Variants in CSMD3 observed in about 807,000 individuals in gnomAD.
CSMD3 encodes CUB and sushi domain-containing protein 3.
In CSMD3, 177 loss-of-function variants were observed where a neutral mutation model predicts 435.2. That is an observed-to-expected ratio of 0.41 (90% CI 0.36 to 0.46). CSMD3 has a LOEUF of 0.46. Among genes scored for constraint, CSMD3 ranks in the 20% least tolerant of loss-of-function variants. The pLI is 0.34. For synonymous variants in CSMD3, 1,656 were observed against 1,520.5 expected, an observed-to-expected ratio of 1.09 and a Z score of -2.07; for missense variants, 4,265 against 4,504.6, an observed-to-expected ratio of 0.95 and a Z score of 1.52.
chr8:112,748,458 C>T (rs1211403299), intron 13 of CSMD3, among the ~76,000 whole-genome samples: 1 of 151,954 alleles, frequency 6.6e-6, no homozygotes, highest in African/African-American at 2.4e-5. Flanking sequence ...AAGCTCAGTA[C>T]CCAATAGTTA....
chr8:112,536,642 C>T lies in CSMD3; in HGVS notation c.4564+14029G>A, dbSNP rs188435042. ...CTCAGGGATCTAGAACTAGAAATACCACTTGACCCAGCCATCCCATTACTG... is the reference window on the plus strand; with the variant it reads ...CTCAGGGATCTAGAACTAGAAATACTACTTGACCCAGCCATCCCATTACTG... On this transcript the variant is annotated intron_variant, in intron 27 of 70. Coordinates refer to ENST00000297405, the MANE Select transcript of CSMD3 (RefSeq NM_198123.2). 4.9e-4 allele frequency among the ~76,000 whole-genome samples: 74 copies of T among 151,988 alleles called. No homozygotes were observed. The East Asian group carries it at 0.014, about 29-fold the overall frequency.
chr8:113,295,980 A>G (rs909420074), intron 2 of CSMD3, among the ~76,000 whole-genome samples: 1 of 152,140 alleles, frequency 6.6e-6, no homozygotes. Flanking sequence ...AAAAAGGATA[A>G]GTTCACGTCC....
chr8:113,337,577 A>C (rs1440165526), intron 1 of CSMD3, among the ~76,000 whole-genome samples: 1 of 152,104 alleles, frequency 6.6e-6, no homozygotes, highest in African/African-American at 2.4e-5. Context: ...TGGTTTAGGT[A>C]ATAGCTTAGA....
intron 12 of CSMD3, among the ~76,000 whole-genome samples, chr8:112,820,059 C>G (rs962692492): frequency 6.6e-6 from 1 of 152,112 alleles, no homozygotes; most frequent in African/African-American, 2.4e-5. Flanking sequence ...TCCAATCCCT[C>G]TAGCCTCATC....
chr8:112,263,530 T>C (rs1816638273), intron 61 of CSMD3, 109 bp downstream of exon 61: 1 of 855,002 alleles, frequency 1.2e-6, no homozygotes, highest in Non-Finnish European at 1.9e-6. Context: ...TAAATACTGA[T>C]TTTTCTTTGA....
intron 4 of CSMD3, among the ~76,000 whole-genome samples, chr8:113,151,987 T>C (rs1179282059): frequency 1.3e-5 from 2 of 151,952 alleles, no homozygotes; most frequent in Non-Finnish European, 2.9e-5. Flanking sequence ...AGTCCTTGAG[T>C]ACATTTCCAG....
intron 2 of CSMD3, among the ~76,000 whole-genome samples, chr8:113,284,359 C>T (rs1047603779): frequency 2.0e-5 from 3 of 152,066 alleles, no homozygotes; most frequent in Non-Finnish European, 2.9e-5. Flanking sequence ...AATATCGATG[C>T]CATCTTAACA....
intron 5 of CSMD3, among the ~76,000 whole-genome samples, chr8:113,097,497 AG>A (rs1196146339): frequency 2.0e-5 from 3 of 151,922 alleles, no homozygotes; most frequent in African/African-American, 7.2e-5. Context: ...TATGTTGTTA[AG>A]TCTCAGATTC....
chr8:113,192,896 A>C lies in CSMD3; in HGVS notation c.515-18980T>G, dbSNP rs117942663. ...AGAAATCAGATGATTTTTGTTTGCT[A>C]TTTCTAAGTAGTTAAGTAAAACGCT... is the stretch of plus-strand genomic sequence containing the variant. On this transcript the variant is annotated intron_variant, in intron 3 of 70. Transcript: ENST00000297405. Among the ~76,000 whole-genome samples the C allele has an allele frequency of 9.1e-3, 1,374 of 151,610 alleles. 18 individuals are homozygous for C. The highest frequency in any genetic ancestry group is 0.016 in the Non-Finnish European group (1,055 of 67,710).
intron 31 of CSMD3, among the ~76,000 whole-genome samples, chr8:112,483,245 C>T (rs1462607018): frequency 6.6e-6 from 1 of 152,136 alleles, no homozygotes; most frequent in Non-Finnish European, 1.5e-5. Flanking sequence ...AATCCTAGAG[C>T]TCTGGGAGGC....
chr8:113,046,752 G>T (rs1156851194), intron 5 of CSMD3, among the ~76,000 whole-genome samples: 1 of 152,196 alleles, frequency 6.6e-6, no homozygotes, highest in African/African-American at 2.4e-5. Context: ...GGACTTGGAG[G>T]GGCGAGGGTC....
chr8:112,800,404 T>C (rs2078932985), intron 12 of CSMD3, 130 bp from the exon 13 acceptor site: 3 of 695,014 alleles, frequency 4.3e-6, no homozygotes, highest in East Asian at 5.3e-5. Context: ...TAGAGGAGTA[T>C]GTGTTGATGT....
chr8:112,617,734 ACTAT>A (rs1485717780), intron 22 of CSMD3, among the ~76,000 whole-genome samples: 1 of 152,176 alleles, frequency 6.6e-6, no homozygotes, highest in Admixed American at 6.6e-5. Flanking sequence ...TATGATTTTT[ACTAT>A]CTATCTTAAT....
At chr8:112,921,005 A>T (rs971602463) in intron 10 of CSMD3, among the ~76,000 whole-genome samples, 1 of 134,450 alleles carries the variant, frequency 7.4e-6, no homozygotes, top group Non-Finnish European at 1.7e-5. Flanking sequence ...GCGCACACAC[A>T]CACACACACA....
intron 31 of CSMD3, among the ~76,000 whole-genome samples, chr8:112,478,393 C>A (rs1436020138): frequency 6.6e-6 from 1 of 152,062 alleles, no homozygotes; most frequent in Non-Finnish European, 1.5e-5. Context: ...GACAAAAATG[C>A]TGGTAGAAAT....
At chr8:113,137,928 T>C (rs1180481298) in intron 4 of CSMD3, among the ~76,000 whole-genome samples, 2 of 151,580 alleles carry the variant, frequency 1.3e-5, no homozygotes, top group African/African-American at 4.8e-5. Flanking sequence ...CCAAGATAGA[T>C]CTCAACTTCT....
chr8:112,618,694 T>C (rs1269305604), intron 22 of CSMD3, among the ~76,000 whole-genome samples: 2 of 151,888 alleles, frequency 1.3e-5, no homozygotes, highest in African/African-American at 2.4e-5. Flanking sequence ...ATAAAGAAAG[T>C]TGAAAATCTA....
At chr8:112,515,557 G>A (rs1399376851) in intron 28 of CSMD3, among the ~76,000 whole-genome samples, 1 of 152,010 alleles carries the variant, frequency 6.6e-6, no homozygotes, top group Admixed American at 6.6e-5. Context: ...TAAATTAATT[G>A]ATGTTTGTTG....
intron 10 of CSMD3, among the ~76,000 whole-genome samples, chr8:112,876,254 A>G (rs2081278891): frequency 6.6e-6 from 1 of 152,174 alleles, no homozygotes. Context: ...AGAGGTACAA[A>G]GAGGAACTGG....
Sources: allele counts gnomAD v4.1 joint callset (sites outside exome capture counted in the v4.1 genomes callset), GRCh38; gene constraint gnomAD v4.1.1; transcripts MANE v1.5; gene names NCBI Gene and HGNC (gene_info 2026-07-23, HGNC 2026-07-21).